Variants in IQGAP2 observed in about 807,000 individuals in gnomAD.
The protein encoded by IQGAP2 is IQ motif containing GTPase activating protein 2.
IQGAP2 carries 173 observed loss-of-function variants against 201.3 expected under a neutral mutation model. The observed-to-expected ratio is 0.86, with a 90% CI of 0.76 to 0.98. The LOEUF is 0.98. Ranked by LOEUF, IQGAP2 falls within the 50% of genes least tolerant of loss-of-function variation. The pLI is 0.00. For synonymous variants in IQGAP2, 675 were observed against 673.9 expected (o/e 1.00, Z -0.03); for missense variants, 1,687 against 1,864.8 (o/e 0.90, Z 1.76).
intron 21 of IQGAP2, among the ~76,000 whole-genome samples, chr5:76,661,572 CTGCTT>C (rs1437030609): frequency 6.6e-6 from 1 of 152,170 alleles, no homozygotes; most frequent in Non-Finnish European, 1.5e-5. Flanking sequence ...TACTACTTCA[CTGCTT>C]ATATTAACAT....
At position 76,494,094 on chromosome 5, in the gene IQGAP2, A is replaced by AT. The variant is rs1026225695; in HGVS notation, c.146+32433dup. Reference sequence around the variant, plus strand: ...CTACTGTGTTGTTCTTTAAATTTGTATTTTTTTTATTGTTGTCTTGTTAGT... The same window carrying AT: ...CTACTGTGTTGTTCTTTAAATTTGTATTTTTTTTTATTGTTGTCTTGTTAGT... On this transcript the variant is annotated intron_variant, in intron 2 of 35. Transcript: ENST00000274364. Among the ~76,000 whole-genome samples, 5 of 151,798 alleles carry AT rather than the reference A, an allele frequency of 3.3e-5. No individual in the cohort carries two copies. In the South Asian group the frequency reaches 6.2e-4, roughly 19 times the overall value.
chr5:76,574,790 A>T (rs1312357332), intron 4 of IQGAP2, among the ~76,000 whole-genome samples: 2 of 152,234 alleles, frequency 1.3e-5, no homozygotes, highest in African/African-American at 2.4e-5. Context: ...TATTTAGATG[A>T]TTATCCAAAA....
At chr5:76,552,415 G>T (rs1467245316) in intron 2 of IQGAP2, among the ~76,000 whole-genome samples, 1 of 152,188 alleles carries the variant, frequency 6.6e-6, no homozygotes, top group Non-Finnish European at 1.5e-5. Flanking sequence ...AGATCTTTAA[G>T]TTCTGGTTTG....
At chr5:76,451,477 C>G (rs1753739193) in intron 1 of IQGAP2, among the ~76,000 whole-genome samples, 1 of 152,194 alleles carries the variant, frequency 6.6e-6, no homozygotes, top group South Asian at 2.1e-4. Flanking sequence ...CCCACGCTAT[C>G]TCTTTAGGCC....
At chr5:76,504,206 C>T (rs1369812878) in intron 2 of IQGAP2, among the ~76,000 whole-genome samples, 1 of 152,174 alleles carries the variant, frequency 6.6e-6, no homozygotes, top group Non-Finnish European at 1.5e-5. Context: ...GTACTCTGCA[C>T]CTTGCATCTC....
chr5:76,616,220 C>CT (rs1310312594), intron 13 of IQGAP2: 65 of 152,220 alleles, frequency 4.3e-4, no homozygotes, highest in African/African-American at 1.2e-3. Flanking sequence ...AGTGACACTT[C>CT]TAGCCTGAGA....
At chr5:76,501,409 A>T (rs1166130377) in intron 2 of IQGAP2, among the ~76,000 whole-genome samples, 1 of 152,174 alleles carries the variant, frequency 6.6e-6, no homozygotes, top group Admixed American at 6.5e-5. Flanking sequence ...CTCTATTTTT[A>T]ATTTTAAAAG....
intron 2 of IQGAP2, among the ~76,000 whole-genome samples, chr5:76,494,880 C>G (rs1348231327): frequency 7.9e-5 from 12 of 152,136 alleles, no homozygotes; most frequent in Admixed American, 7.9e-4. Context: ...AATTAGCTAG[C>G]CTGCCATCTT....
chr5:76,658,427 T>G (rs781503865), intron 20 of IQGAP2, 32 bp from the exon 21 acceptor site: 1 of 1,527,182 alleles, frequency 6.5e-7, no homozygotes, highest in Non-Finnish European at 9.1e-7. Flanking sequence ...CAAGCTTTCC[T>G]AATTAAAGTA....
chr5:76,509,365 A>G (rs1191838359), intron 2 of IQGAP2, among the ~76,000 whole-genome samples: 1 of 151,184 alleles, frequency 6.6e-6, no homozygotes, highest in Non-Finnish European at 1.5e-5. Context: ...CTTTTATAGT[A>G]CTTGCCAATT....
At chr5:76,593,910 G>A (rs1029292917) in intron 9 of IQGAP2, among the ~76,000 whole-genome samples, 3 of 152,184 alleles carry the variant, frequency 2.0e-5, no homozygotes, top group Admixed American at 2.0e-4. Context: ...CTCCTAAATT[G>A]CTGGAGAGAA....
chr5:76,529,672 A>G, intron 2 of IQGAP2, among the ~76,000 whole-genome samples: 1 of 125,004 alleles, frequency 8.0e-6, no homozygotes, highest in Non-Finnish European at 1.7e-5. Flanking sequence ...TAATAATAAT[A>G]ATAATGGTTA....
chr5:76,448,147 T>A (rs927798077), intron 1 of IQGAP2, among the ~76,000 whole-genome samples: 1 of 152,192 alleles, frequency 6.6e-6, no homozygotes, highest in Non-Finnish European at 1.5e-5. Flanking sequence ...TCATCTGTGA[T>A]CTTGGACAAA....
intron 30 of IQGAP2, among the ~76,000 whole-genome samples, chr5:76,689,230 T>TTAAAAAAAAAAA (rs566505116): frequency 2.3e-4 from 20 of 86,488 alleles, no homozygotes; most frequent in Non-Finnish European, 3.7e-4. Context: ...CAGGGATATT[T>TTAAAAAAAAAAA]AAAAAAAAAA....
At chr5:76,597,694 G>C in intron 10 of IQGAP2, 92 bp downstream of exon 10, 3 of 1,321,144 alleles carry the variant, frequency 2.3e-6, no homozygotes, top group Non-Finnish European at 3.2e-6. Context: ...AATAGGGATC[G>C]GGGATCTCTA....
intron 17 of IQGAP2, among the ~76,000 whole-genome samples, chr5:76,651,254 C>T: frequency 6.6e-6 from 1 of 152,132 alleles, no homozygotes; most frequent in African/African-American, 2.4e-5. Flanking sequence ...TCTAGGAACC[C>T]TCATAATTTT....
At chr5:76,621,016 T>C (rs1749607367) in intron 13 of IQGAP2, among the ~76,000 whole-genome samples, 1 of 152,232 alleles carries the variant, frequency 6.6e-6, no homozygotes, top group Non-Finnish European at 1.5e-5. Context: ...TTTCTAATGT[T>C]ACCTTTAAGA....
intron 30 of IQGAP2, among the ~76,000 whole-genome samples, chr5:76,687,618 G>A (rs1285776859): frequency 6.6e-6 from 1 of 152,160 alleles, no homozygotes; most frequent in East Asian, 1.9e-4. Context: ...CCCATTGCTG[G>A]CATTAACACC....
intron 1 of IQGAP2, among the ~76,000 whole-genome samples, chr5:76,443,016 G>T (rs769174010): frequency 6.6e-6 from 1 of 151,922 alleles, no homozygotes; most frequent in Non-Finnish European, 1.5e-5. Context: ...AATAAAATCA[G>T]TTAATAATAT....
Sources: allele counts gnomAD v4.1 joint callset (sites outside exome capture counted in the v4.1 genomes callset), GRCh38; gene constraint gnomAD v4.1.1; transcripts MANE v1.5; gene names NCBI Gene and HGNC (gene_info 2026-07-23, HGNC 2026-07-21).